The following OSTN variants were observed in gnomAD, a reference collection of about 807,000 sequenced individuals.
OSTN encodes the protein osteocrin.
Under a neutral mutation model 12.0 loss-of-function variants are expected in OSTN, and 9 were observed. The observed-to-expected ratio is 0.75, with a 90% CI of 0.45 to 1.30. OSTN has a LOEUF of 1.30. OSTN is among the 50% of genes most tolerant of loss of function. OSTN has a pLI of 0.00. For missense variants in OSTN, 148 were observed against 152.3 expected (o/e 0.97, Z 0.15); for synonymous variants, 59 against 56.9 (o/e 1.04, Z -0.16).
chr3:191,237,831 G>C (rs1254270470), intron 3 of OSTN, among the ~76,000 whole-genome samples: 1 of 152,148 alleles, frequency 6.6e-6, no homozygotes, highest in Non-Finnish European at 1.5e-5. Context: ...ATGGTCACCT[G>C]ACTTTCCTGG....
At chr3:191,218,638 A>T (rs1299671329) in intron 2 of OSTN, 109 bp from the exon 3 acceptor site, 2 of 847,816 alleles carry the variant, frequency 2.4e-6, no homozygotes, top group Non-Finnish European at 3.6e-6. Context: ...AAATTGTAAG[A>T]TGTTACATGA....
chr3:191,237,001 C>T (rs560798638), intron 3 of OSTN, among the ~76,000 whole-genome samples: 43 of 152,240 alleles, frequency 2.8e-4, no homozygotes, highest in Admixed American at 1.3e-3. Flanking sequence ...ACTCCAAGGC[C>T]GTGACTTTCC....
At chr3:191,235,265 T>G (rs1715161586) in intron 3 of OSTN, among the ~76,000 whole-genome samples, 1 of 152,052 alleles carries the variant, frequency 6.6e-6, no homozygotes, top group African/African-American at 2.4e-5. Context: ...TAACAGTAAT[T>G]CAAATAACCA....
At chr3:191,206,286 A>C (rs1232396754) in intron 1 of OSTN, among the ~76,000 whole-genome samples, 1 of 152,150 alleles carries the variant, frequency 6.6e-6, no homozygotes, top group Non-Finnish European at 1.5e-5. Context: ...AATTGGAATT[A>C]GTCTTACATT....
intron 3 of OSTN, among the ~76,000 whole-genome samples, chr3:191,226,441 A>G (rs905763920): frequency 6.6e-6 from 1 of 152,208 alleles, no homozygotes; most frequent in Non-Finnish European, 1.5e-5. Flanking sequence ...AAAAGCCAAT[A>G]TCTTATTTAA....
chr3:191,219,399 C>A (rs971616080), intron 3 of OSTN, among the ~76,000 whole-genome samples: 1 of 152,168 alleles, frequency 6.6e-6, no homozygotes, highest in Non-Finnish European at 1.5e-5. Flanking sequence ...GTTCTCAGAA[C>A]GTGGAGTCAG....
intron 1 of OSTN, among the ~76,000 whole-genome samples, chr3:191,208,912 C>A (rs1002111240): frequency 2.6e-5 from 4 of 152,194 alleles, no homozygotes; most frequent in Admixed American, 2.6e-4. Flanking sequence ...AATCCCAGCA[C>A]TTTGGGAGTC....
intron 4 of OSTN, among the ~76,000 whole-genome samples, chr3:191,258,802 A>G (rs1715735390): frequency 6.6e-6 from 1 of 152,180 alleles, no homozygotes; most frequent in South Asian, 2.1e-4. Flanking sequence ...TTGTTCATCT[A>G]ATGTGCAAAT....
intron 3 of OSTN, among the ~76,000 whole-genome samples, chr3:191,224,674 A>G (rs1484500076): frequency 6.6e-6 from 1 of 152,144 alleles, no homozygotes; most frequent in South Asian, 2.1e-4. Context: ...TAGTAAAACT[A>G]GAAATTAATA....
intron 4 of OSTN, among the ~76,000 whole-genome samples, chr3:191,260,131 G>A (rs1371278724): frequency 1.3e-5 from 2 of 152,046 alleles, no homozygotes; most frequent in African/African-American, 4.8e-5. Context: ...TTACAGGGGA[G>A]AGCCACAGTG....
intron 4 of OSTN, among the ~76,000 whole-genome samples, chr3:191,252,453 T>C (rs1035114380): frequency 6.6e-6 from 1 of 152,240 alleles, no homozygotes; most frequent in Non-Finnish European, 1.5e-5. Flanking sequence ...GCTTCCTGAA[T>C]CACTGTTGGG....
chr3:191,256,658 C>G (rs1468514479), intron 4 of OSTN, among the ~76,000 whole-genome samples: 1 of 150,056 alleles, frequency 6.7e-6, no homozygotes, highest in Non-Finnish European at 1.5e-5. Context: ...AGTCAAACAG[C>G]AAATAAAATT....
chr3:191,224,221 T>C (rs1714848048), intron 3 of OSTN, among the ~76,000 whole-genome samples: 2 of 151,840 alleles, frequency 1.3e-5, no homozygotes, highest in South Asian at 4.2e-4. Flanking sequence ...CTACTAAGAA[T>C]ACAAAATTAG....
intron 4 of OSTN, among the ~76,000 whole-genome samples, chr3:191,257,421 A>G (rs1715698281): frequency 6.6e-6 from 1 of 152,158 alleles, no homozygotes; most frequent in African/African-American, 2.4e-5. Context: ...AGAGCCCAGG[A>G]CAAAAGACAA....
chr3:191,242,178 C>T (rs895778008), intron 3 of OSTN, among the ~76,000 whole-genome samples: 6 of 152,090 alleles, frequency 3.9e-5, no homozygotes, highest in Non-Finnish European at 8.8e-5. Flanking sequence ...ATTGAAATCA[C>T]TAGTAAATTA....
In OSTN at chr3:191,218,302, G is replaced by GCA. The variant is rs1224799124; in HGVS notation, c.103-443_103-442dup. ...ATGTGTTTCAGTCCCCAAAGATCTA[G>GCA]CACTCTCTATGGAAAATAACTTCAT... On this transcript the variant is annotated intron_variant, in intron 2 of 4. Coordinates refer to ENST00000682035, the MANE Select transcript of OSTN (RefSeq NM_198184.2). Among the ~76,000 whole-genome samples, 3 of 151,928 alleles carry GCA rather than the reference G, an allele frequency of 2.0e-5. No homozygotes were observed. The East Asian group carries it at 5.8e-4, about 29-fold the overall frequency.
At chr3:191,199,892 C>T (rs887766182) in intron 1 of OSTN, among the ~76,000 whole-genome samples, 4 of 152,000 alleles carry the variant, frequency 2.6e-5, no homozygotes, top group Non-Finnish European at 1.5e-5. Context: ...TCTTGCTATT[C>T]AATGATTGAA....
At chr3:191,258,306 A>G (rs1052071151) in intron 4 of OSTN, among the ~76,000 whole-genome samples, 6 of 152,194 alleles carry the variant, frequency 3.9e-5, no homozygotes, top group Non-Finnish European at 8.8e-5. Flanking sequence ...TCAGGACAGA[A>G]CTCATTAAGG....
rs1337266556 is a variant in OSTN, at chr3:191,263,812, C to T, written c.*959C>T. The T allele has an allele frequency of 1.3e-5, 2 of 152,076 alleles. No individual in the cohort carries two copies. The highest frequency in any genetic ancestry group is 6.5e-5 in the Admixed American group (1 of 15,272). The allele number at this position is 152,076 out of a possible 1,614,324, so 9.4% of individuals were successfully genotyped here. A position where few individuals can be genotyped will look rare whatever the true frequency, so the allele number is the denominator to read the frequency against. On this transcript the variant is annotated 3_prime_UTR_variant, in exon 5 of 5. Transcript: ENST00000682035. ...ATTTTGAGAATGATTTCTTAAAAATCATTCAGATTATTTTTGAATGACTTA... is the reference window on the plus strand; with the variant it reads ...ATTTTGAGAATGATTTCTTAAAAATTATTCAGATTATTTTTGAATGACTTA...
Sources: allele counts gnomAD v4.1 joint callset (sites outside exome capture counted in the v4.1 genomes callset), GRCh38; gene constraint gnomAD v4.1.1; transcripts MANE v1.5; gene names NCBI Gene and HGNC (gene_info 2026-07-23, HGNC 2026-07-21).